TBC1D5: variants seen among roughly 807,000 people sequenced by gnomAD.
TBC1D5 encodes the protein TBC1 domain family, member 5.
In TBC1D5, 75 loss-of-function variants were observed where a neutral mutation model predicts 100.3. That is an observed-to-expected ratio of 0.75 (90% CI 0.62 to 0.91). The LOEUF (loss-of-function observed/expected upper bound fraction) is 0.91, where lower values mean the gene tolerates loss of function less well. Ranked by LOEUF, TBC1D5 falls within the 40% of genes least tolerant of loss-of-function variation. The pLI is 0.00. For synonymous variants in TBC1D5, 323 were observed against 325.6 expected, an observed-to-expected ratio of 0.99 and a Z score of 0.09; for missense variants, 910 against 942.4, an observed-to-expected ratio of 0.97 and a Z score of 0.45.
intron 13 of TBC1D5, among the ~76,000 whole-genome samples, chr3:17,321,529 A>T (rs772303956): frequency 1.3e-5 from 2 of 152,226 alleles, no homozygotes; most frequent in Non-Finnish European, 2.9e-5. Flanking sequence ...ACTTGAGATG[A>T]ATATTTAATT....
intron 3 of TBC1D5, among the ~76,000 whole-genome samples, chr3:17,503,945 A>G (rs2095813965): frequency 6.7e-6 from 1 of 149,618 alleles, no homozygotes; most frequent in Non-Finnish European, 1.5e-5. Context: ...GGTCATATTT[A>G]AAAGAAAACA....
chr3:17,280,721 C>T (rs2149888737), intron 15 of TBC1D5, among the ~76,000 whole-genome samples: 1 of 152,278 alleles, frequency 6.6e-6, no homozygotes, highest in African/African-American at 2.4e-5. Context: ...CATCACCTTT[C>T]AATTCAGCCG....
intron 3 of TBC1D5, among the ~76,000 whole-genome samples, chr3:17,498,953 T>C (rs1398785136): frequency 6.6e-6 from 1 of 152,140 alleles, no homozygotes; most frequent in Non-Finnish European, 1.5e-5. Context: ...TTTTAAGACA[T>C]GAACTTGAGA....
chr3:17,332,791 T>C (rs2087056320), intron 13 of TBC1D5, among the ~76,000 whole-genome samples: 2 of 152,198 alleles, frequency 1.3e-5, no homozygotes, highest in South Asian at 4.1e-4. Flanking sequence ...GATAACTGCA[T>C]ATAGTAACAT....
At position 17,269,085 on chromosome 3, in the gene TBC1D5, C is replaced by A. The variant is rs61173556; in HGVS notation, c.1246-10494G>T. Among the ~76,000 whole-genome samples the A allele has an allele frequency of 1.4e-3, 218 of 152,158 alleles. 3 individuals carry two copies. Among genetic ancestry groups the A allele is most frequent in the Middle Eastern group, 3.4e-3 (1 of 294 alleles). On this transcript the variant is annotated intron_variant, in intron 15 of 21. Transcript: ENST00000253692. ...TACTGAATTTCTTTAGCTACTTACA[C>A]ATAAGTACTTCAACATTTTAGTAAC... is the stretch of plus-strand genomic sequence containing the variant.
chr3:17,174,577 C>A (rs192567417), intron 19 of TBC1D5, among the ~76,000 whole-genome samples: 1 of 146,990 alleles, frequency 6.8e-6, no homozygotes, highest in Non-Finnish European at 1.5e-5. Flanking sequence ...TCCCCTAGAA[C>A]CTGTTTTGTC....
intron 3 of TBC1D5, among the ~76,000 whole-genome samples, chr3:17,489,338 G>T (rs919024597): frequency 2.6e-5 from 4 of 152,194 alleles, no homozygotes; most frequent in Admixed American, 2.0e-4. Context: ...CTGGTAGCCT[G>T]ACCTCAGAAT....
At chr3:17,536,210 ATC>A (rs2096280004) in intron 2 of TBC1D5, among the ~76,000 whole-genome samples, 1 of 152,080 alleles carries the variant, frequency 6.6e-6, no homozygotes, top group Non-Finnish European at 1.5e-5. Context: ...CTTAATACAG[ATC>A]TGTTTCTTTC....
At chr3:17,489,333 A>T (rs2095609768) in intron 3 of TBC1D5, among the ~76,000 whole-genome samples, 1 of 152,206 alleles carries the variant, frequency 6.6e-6, no homozygotes, top group Non-Finnish European at 1.5e-5. Flanking sequence ...ATAATCTGGT[A>T]GCCTGACCTC....
intron 13 of TBC1D5, among the ~76,000 whole-genome samples, chr3:17,308,918 A>G (rs1299683518): frequency 1.3e-5 from 2 of 152,072 alleles, no homozygotes; most frequent in Non-Finnish European, 2.9e-5. Context: ...TAAACTATTT[A>G]TATCTAATTC....
intron 18 of TBC1D5, among the ~76,000 whole-genome samples, chr3:17,200,228 T>C (rs1286671524): frequency 6.6e-6 from 1 of 152,248 alleles, no homozygotes; most frequent in African/African-American, 2.4e-5. Flanking sequence ...ACATATTGAC[T>C]GGAAATGATA....
chr3:17,490,843 A>G (rs369802089), intron 3 of TBC1D5, among the ~76,000 whole-genome samples: 1 of 152,166 alleles, frequency 6.6e-6, no homozygotes, highest in Admixed American at 6.5e-5. Context: ...TAATATTGTG[A>G]AGAATGTCAA....
At chr3:17,481,546 C>T (rs570821312) in intron 3 of TBC1D5, among the ~76,000 whole-genome samples, 3 of 152,314 alleles carry the variant, frequency 2.0e-5, no homozygotes, top group Non-Finnish European at 2.9e-5. Context: ...CAGAGCGAGA[C>T]CTGTATAGCT....
At chr3:17,625,206 T>A (rs1423478791) in intron 1 of TBC1D5, among the ~76,000 whole-genome samples, 1 of 152,038 alleles carries the variant, frequency 6.6e-6, no homozygotes, top group African/African-American at 2.4e-5. Context: ...AGTGTCTTAT[T>A]GTTTTTTTAA....
At chr3:17,473,614 C>T (rs1190336969) in intron 3 of TBC1D5, among the ~76,000 whole-genome samples, 1 of 152,230 alleles carries the variant, frequency 6.6e-6, no homozygotes, top group Non-Finnish European at 1.5e-5. Flanking sequence ...GATCAACCTA[C>T]TTAATAATCT....
At chr3:17,488,207 A>G (rs1227840417) in intron 3 of TBC1D5, among the ~76,000 whole-genome samples, 4 of 152,122 alleles carry the variant, frequency 2.6e-5, no homozygotes, top group East Asian at 1.9e-4. Context: ...CTTTTCCACA[A>G]TGTCATATAG....
rs1205150802 is a variant in TBC1D5, at chr3:17,472,375, T to C, written c.97+36099A>G. 2.2e-4 allele frequency among the ~76,000 whole-genome samples: 33 copies of C among 152,094 alleles called. 1 individual carries two copies. The highest frequency in any genetic ancestry group is 2.1e-3 in the Admixed American group (32 of 15,264). ...GGATGGTCTCGATCTCTTGACCTCA[T>C]GATCCGCCCACCTCAGCCTCCCAAA... On this transcript the variant is annotated intron_variant, in intron 3 of 21. Transcript: ENST00000253692.
intron 2 of TBC1D5, among the ~76,000 whole-genome samples, chr3:17,617,288 C>A (rs2062253448): frequency 6.6e-6 from 1 of 152,204 alleles, no homozygotes; most frequent in Non-Finnish European, 1.5e-5. Flanking sequence ...GTGGGTAACT[C>A]GACCTTTCTG....
chr3:17,736,324 C>A (rs1181443753), intron 1 of TBC1D5, among the ~76,000 whole-genome samples: 1 of 152,024 alleles, frequency 6.6e-6, no homozygotes, highest in Non-Finnish European at 1.5e-5. Flanking sequence ...CAAACTTGCA[C>A]ACACACATGC....
Sources: gnomAD v4.1 joint callset for allele counts (sites outside exome capture counted in the v4.1 genomes callset) on GRCh38, gnomAD v4.1.1 for gene constraint, MANE v1.5 for transcripts, NCBI Gene and HGNC (gene_info 2026-07-23, HGNC 2026-07-21) for gene names.